CLVS2: variants seen among roughly 807,000 people sequenced by gnomAD.
CLVS2 encodes clavesin 2, also known as clavesin-2.
A neutral mutation model predicts 29.0 loss-of-function variants in CLVS2; 19 were observed. The ratio of observed to expected loss-of-function variants is 0.66; its 90% CI spans 0.46 to 0.96. The LOEUF is 0.96. CLVS2 is among the 40% of genes least tolerant of loss of function. The pLI is 0.00. For synonymous variants in CLVS2, 161 were observed against 151.3 expected (o/e 1.06, Z -0.47); for missense variants, 294 against 404.1 (o/e 0.73, Z 2.34).
intron 4 of CLVS2, among the ~76,000 whole-genome samples, chr6:123,050,533 G>A (rs1772592960): frequency 6.6e-6 from 1 of 152,088 alleles, no homozygotes; most frequent in African/African-American, 2.4e-5. Context: ...GAGAGTTTCA[G>A]GCAGAAGGAA....
At chr6:123,023,928 T>C (rs978413693) in intron 3 of CLVS2, among the ~76,000 whole-genome samples, 6 of 152,276 alleles carry the variant, frequency 3.9e-5, no homozygotes, top group East Asian at 1.9e-4. Flanking sequence ...GAAATTGGCA[T>C]GGTACCCAGT....
At chr6:123,043,365 T>C (rs1775261864) in intron 3 of CLVS2, among the ~76,000 whole-genome samples, 1 of 152,144 alleles carries the variant, frequency 6.6e-6, no homozygotes, top group Non-Finnish European at 1.5e-5. Flanking sequence ...CAAGTAGGAT[T>C]AATGCAATAT....
intron 3 of CLVS2, among the ~76,000 whole-genome samples, chr6:123,046,888 G>C (rs1249550703): frequency 6.6e-6 from 1 of 152,072 alleles, no homozygotes; most frequent in Non-Finnish European, 1.5e-5. Flanking sequence ...TCTAAGCCAA[G>C]CACACACTAA....
chr6:123,057,244 T>C (rs577203693), intron 5 of CLVS2, among the ~76,000 whole-genome samples: 1 of 152,068 alleles, frequency 6.6e-6, no homozygotes, highest in Admixed American at 6.6e-5. Flanking sequence ...CATGCCAATG[T>C]CTGGCATCCT....
At chr6:123,056,595 C>T (rs1172698722) in intron 5 of CLVS2, among the ~76,000 whole-genome samples, 1 of 152,156 alleles carries the variant, frequency 6.6e-6, no homozygotes, top group Admixed American at 6.5e-5. Flanking sequence ...GACAGTCTAG[C>T]AGGGCCCTTG....
intron 2 of CLVS2, among the ~76,000 whole-genome samples, chr6:123,004,125 A>C (rs1774629899): frequency 6.6e-6 from 1 of 152,250 alleles, no homozygotes; most frequent in Non-Finnish European, 1.5e-5. Flanking sequence ...TGGAAGAATA[A>C]ACTTTCTGAA....
intron 3 of CLVS2, among the ~76,000 whole-genome samples, chr6:123,032,778 C>G (rs4591879): frequency 6.6e-6 from 1 of 151,776 alleles, no homozygotes. Context: ...AGATTTGAAA[C>G]TTTGGTAGGG....
chr6:123,006,366 G>A (rs1774667832), intron 2 of CLVS2, among the ~76,000 whole-genome samples: 1 of 152,170 alleles, frequency 6.6e-6, no homozygotes, highest in African/African-American at 2.4e-5. Flanking sequence ...AAGAGCCATG[G>A]GGGAGTGGTG....
intron 4 of CLVS2, 55 bp from the exon 5 acceptor site, chr6:123,055,751 T>C: frequency 8.1e-7 from 1 of 1,231,784 alleles, no homozygotes; most frequent in Admixed American, 1.7e-5. Flanking sequence ...AGGATTTAGA[T>C]GGTATTTAGT....
intron 3 of CLVS2, among the ~76,000 whole-genome samples, chr6:123,011,558 T>G (rs1477069077): frequency 6.6e-6 from 1 of 152,058 alleles, no homozygotes; most frequent in East Asian, 1.9e-4. Flanking sequence ...ATCAGCAATA[T>G]GTTCAACTGT....
chr6:123,049,113 T>C (rs1772565757), intron 4 of CLVS2, among the ~76,000 whole-genome samples: 1 of 152,198 alleles, frequency 6.6e-6, no homozygotes, highest in Admixed American at 6.5e-5. Context: ...TTTTTCACAG[T>C]ATGTACCGCA....
At position 123,055,792 on chromosome 6, in the gene CLVS2, T is replaced by A; in HGVS notation, c.676-14T>A. On this transcript the variant is annotated splice_polypyrimidine_tract_variant and intron_variant, in intron 4 of 5. Transcript: ENST00000275162. ...CTGTGTCTTTCCCTTCCTCCCGTCT[T>A]CTTGCATTTATAGATATTTTTGCAT... 1 of 1,576,720 alleles carries A rather than the reference T, an allele frequency of 6.3e-7. No homozygotes were observed. Among genetic ancestry groups the A allele is most frequent in the South Asian group, 1.1e-5 (1 of 90,344 alleles).
chr6:123,027,729 GA>G (rs972080258), intron 3 of CLVS2, among the ~76,000 whole-genome samples: 1 of 152,120 alleles, frequency 6.6e-6, no homozygotes, highest in Non-Finnish European at 1.5e-5. Context: ...TAACTTAAGT[GA>G]AATAAACCAG....
chr6:123,050,636 G>A (rs1399895750), intron 4 of CLVS2, among the ~76,000 whole-genome samples: 3 of 152,186 alleles, frequency 2.0e-5, no homozygotes, highest in Admixed American at 1.3e-4. Flanking sequence ...GAGCTATGGG[G>A]GCAGATGATA....
intron 3 of CLVS2, among the ~76,000 whole-genome samples, chr6:123,021,805 C>T (rs1774927935): frequency 1.3e-5 from 2 of 152,094 alleles, no homozygotes; most frequent in South Asian, 4.1e-4. Flanking sequence ...TAACTCTAGG[C>T]TCCCCTCTCA....
At chr6:123,049,808 GGGC>G (rs773402517) in intron 4 of CLVS2, among the ~76,000 whole-genome samples, 123 of 139,050 alleles carry the variant, frequency 8.8e-4, no homozygotes, top group African/African-American at 3.5e-3. Context: ...GTGGGATGGG[GGGC>G]GGGGAGGAAT....
At chr6:123,049,131 T>C (rs887909815) in intron 4 of CLVS2, among the ~76,000 whole-genome samples, 2 of 152,218 alleles carry the variant, frequency 1.3e-5, no homozygotes, top group Non-Finnish European at 2.9e-5. Flanking sequence ...GCAATGAATG[T>C]AGTGAAATCT....
At chr6:123,039,487 G>C (rs967171596) in intron 3 of CLVS2, among the ~76,000 whole-genome samples, 1 of 152,132 alleles carries the variant, frequency 6.6e-6, no homozygotes, top group Non-Finnish European at 1.5e-5. Context: ...TTTGCTCTGC[G>C]TTCTCTCCTG....
chr6:123,030,971 T>G (rs1775076026), intron 3 of CLVS2, among the ~76,000 whole-genome samples: 1 of 151,788 alleles, frequency 6.6e-6, no homozygotes, highest in Admixed American at 6.6e-5. Context: ...TTCACTCTGT[T>G]GCCCAGGCTG....
Sources: gnomAD v4.1 joint callset for allele counts (sites outside exome capture counted in the v4.1 genomes callset) on GRCh38, gnomAD v4.1.1 for gene constraint, MANE v1.5 for transcripts, NCBI Gene and HGNC (gene_info 2026-07-23, HGNC 2026-07-21) for gene names.